The following PCDHA10 variants were observed in gnomAD, a reference collection of about 807,000 sequenced individuals.
PCDHA10 encodes protocadherin alpha-10.
PCDHA10 carries 45 observed loss-of-function variants against 61.2 expected under a neutral mutation model. The ratio of observed to expected loss-of-function variants is 0.74; its 90% confidence interval spans 0.58 to 0.94. PCDHA10 has a LOEUF of 0.94. Among genes scored for constraint, PCDHA10 ranks in the 40% least tolerant of loss-of-function variants. PCDHA10 has a pLI of 0.00. For synonymous variants in PCDHA10, 602 were observed against 548.8 expected, an observed-to-expected ratio of 1.10 and a Z score of -1.35; for missense variants, 1,278 against 1,236.2, an observed-to-expected ratio of 1.03 and a Z score of -0.51.
intron 1 of PCDHA10, among the ~76,000 whole-genome samples, chr5:140,895,531 A>T (rs1433375510): frequency 6.6e-6 from 1 of 152,016 alleles, no homozygotes; most frequent in Non-Finnish European, 1.5e-5. Flanking sequence ...TTCGTTTTTC[A>T]ATTGTTGAGT....
intron 1 of PCDHA10, among the ~76,000 whole-genome samples, chr5:140,915,392 A>AT (rs1554196880): frequency 6.6e-6 from 1 of 152,072 alleles, no homozygotes; most frequent in African/African-American, 2.4e-5. Context: ...AGAGCTAGGT[A>AT]TTTCTTATAG....
chr5:140,877,992 A>C, intron 1 of PCDHA10: 1 of 1,096,636 alleles, frequency 9.1e-7, no homozygotes, highest in South Asian at 2.1e-5. Context: ...TTGAACTTTT[A>C]TGTATTTGTC....
intron 1 of PCDHA10, chr5:140,867,234 G>T (rs782656807): frequency 2.0e-5 from 3 of 152,032 alleles, no homozygotes; most frequent in African/African-American, 4.8e-5. Context: ...CCATAATAAG[G>T]TGATTGAGGA....
At position 140,875,429 on chromosome 5, in the gene PCDHA10, C is replaced by T. The variant is rs781965482; in HGVS notation, c.2388+16993C>T. ...CATAAAATACCTCAGGCAAGCGATCCCTTAAAACTGATTGTCCCAACTCAG... is the reference window on the plus strand; with the variant it reads ...CATAAAATACCTCAGGCAAGCGATCTCTTAAAACTGATTGTCCCAACTCAG... On this transcript the variant is annotated intron_variant, in intron 1 of 3. Transcript: ENST00000307360. The T allele has an allele frequency of 1.9e-6, 3 of 1,551,972 alleles. No homozygotes were observed. In the Admixed American group the frequency reaches 6.1e-5, roughly 32 times the overall value.
chr5:140,857,886 C>T lies in PCDHA10; in HGVS notation c.1838C>T (p.Ala613Val). 1 of 1,597,776 alleles carries T rather than the reference C, an allele frequency of 6.3e-7. No individual in the cohort carries two copies. ...TGGCTGTCGTATGAATTGCAGTCGG[C>T]GGCGGTTGGTGCACGCATCCCGTTT... ...NAWLSYELQSAAVGARIPFRV... is the reference protein window; with the variant it reads ...NAWLSYELQSVAVGARIPFRV... The change falls in exon 1 of 4, where the codon GCG becomes GTG. Residue 613 changes from alanine (A) to valine (V), a missense_variant. By Grantham distance (64) the Ala-to-Val change is moderately conservative. Transcript: ENST00000307360.
At chr5:140,907,915 C>T (rs1554193177) in intron 1 of PCDHA10, among the ~76,000 whole-genome samples, 1 of 152,234 alleles carries the variant, frequency 6.6e-6, no homozygotes, top group Admixed American at 6.5e-5. Context: ...TTTGACCACT[C>T]AGAGAGGTCC....
intron 1 of PCDHA10, among the ~76,000 whole-genome samples, chr5:140,961,451 T>C (rs1307588711): frequency 1.3e-5 from 2 of 152,238 alleles, no homozygotes; most frequent in Non-Finnish European, 2.9e-5. Context: ...TACACTGTCT[T>C]GCAGCTGCCT....
intron 1 of PCDHA10, among the ~76,000 whole-genome samples, chr5:140,895,352 G>A (rs1322887367): frequency 7.9e-5 from 12 of 151,916 alleles, no homozygotes; most frequent in African/African-American, 2.9e-4. Flanking sequence ...GCTTTCCAGT[G>A]AGTACTTATT....
intron 1 of PCDHA10, among the ~76,000 whole-genome samples, chr5:140,953,010 G>C (rs116014174): frequency 0.016 from 2,468 of 152,152 alleles, 61 homozygotes; most frequent in African/African-American, 0.055. Flanking sequence ...ACTATTATGA[G>C]AACAACATTA....
intron 1 of PCDHA10, among the ~76,000 whole-genome samples, chr5:140,873,504 T>TTTTTTTTTTTTTTTTTTTTTTTGAG: frequency 6.6e-6 from 1 of 152,256 alleles, no homozygotes; most frequent in South Asian, 2.1e-4. Context: ...TTGTGTCTTT[T>TTTTTTTTTTTTTTTTTTTTTTTGAG]ATACTTAATG....
At chr5:140,972,660 ATTTTT>A (rs11350929) in intron 1 of PCDHA10, among the ~76,000 whole-genome samples, 2 of 117,266 alleles carry the variant, frequency 1.7e-5, no homozygotes, top group African/African-American at 3.3e-5. Flanking sequence ...AAGAAACCAA[ATTTTT>A]TTTTTTTTTT....
chr5:141,009,298 T>C (rs1196659486), intron 3 of PCDHA10, among the ~76,000 whole-genome samples: 1 of 152,130 alleles, frequency 6.6e-6, no homozygotes, highest in Non-Finnish European at 1.5e-5. Context: ...CTATAAAATT[T>C]TTTTTAAAAA....
chr5:140,969,371 T>C (rs2096324872), intron 1 of PCDHA10: 1 of 1,607,688 alleles, frequency 6.2e-7, no homozygotes, highest in Non-Finnish European at 8.5e-7. Context: ...AACTCATGCA[T>C]TTGTTACACA....
chr5:140,887,537 C>A (rs530539711), intron 1 of PCDHA10, among the ~76,000 whole-genome samples: 7 of 152,132 alleles, frequency 4.6e-5, no homozygotes, highest in African/African-American at 7.2e-5. Flanking sequence ...TTCCTCTCCC[C>A]ACCCCTCATG....
Position 140,911,260 on chromosome 5 carries a change from A to G in PCDHA10, c.2388+52824A>G, listed in dbSNP as rs1178961396. On this transcript the variant is annotated intron_variant, in intron 1 of 3. Transcript: ENST00000307360. ...AAAAAAAGTTTCATCAGAATTTATA[A>G]TCTCAGTGTCCCCAGCTTCATCAGG... is the stretch of plus-strand genomic sequence containing the variant. Among the ~76,000 whole-genome samples, 8 of 152,222 alleles carry G rather than the reference A, an allele frequency of 5.3e-5. 1 individual carries two copies. The highest frequency in any genetic ancestry group is 1.9e-4 in the African/African-American group (8 of 41,520).
chr5:140,927,685 A>G lies in PCDHA10; in HGVS notation c.2389-51264A>G, dbSNP rs782137754. 2.5e-6 allele frequency: 4 copies of G among 1,614,092 alleles called. No individual in the cohort carries two copies. In the African/African-American group the frequency reaches 4.0e-5, roughly 16 times the overall value. ...AGCCTTGGATCCAGATGAAGGGTCC[A>G]ATGGGGAAGTCCAGTACTCCCTAAG... is the stretch of plus-strand genomic sequence containing the variant. On this transcript the variant is annotated intron_variant, in intron 1 of 3. Transcript: ENST00000307360.
intron 1 of PCDHA10, among the ~76,000 whole-genome samples, chr5:140,965,098 A>G (rs1554227430): frequency 6.6e-6 from 1 of 152,244 alleles, no homozygotes; most frequent in African/African-American, 2.4e-5. Flanking sequence ...GTCCATAGCT[A>G]GAAAATGACC....
At chr5:140,867,400 T>C (rs544481917) in intron 1 of PCDHA10, 18 of 152,290 alleles carry the variant, frequency 1.2e-4, no homozygotes, top group African/African-American at 3.8e-4. Context: ...AAAGTTGATA[T>C]GTCTCCTTTA....
chr5:140,872,356 G>C (rs2053615726), intron 1 of PCDHA10, among the ~76,000 whole-genome samples: 1 of 152,160 alleles, frequency 6.6e-6, no homozygotes, highest in African/African-American at 2.4e-5. Flanking sequence ...GCCAGGCAAA[G>C]TGGTTCAGGC....
Sources: gnomAD v4.1 joint callset for allele counts (sites outside exome capture counted in the v4.1 genomes callset) on GRCh38, gnomAD v4.1.1 for gene constraint, MANE v1.5 for transcripts, NCBI Gene and HGNC (gene_info 2026-07-23, HGNC 2026-07-21) for gene names.